The following ZRANB3 variants were observed in gnomAD, a reference collection of about 807,000 sequenced individuals.
ZRANB3 encodes zinc finger RANBP2-type containing 3, also known as DNA annealing helicase and endonuclease ZRANB3.
In ZRANB3, 125 loss-of-function variants were observed where a neutral mutation model predicts 133.8. The ratio of observed to expected loss-of-function variants is 0.93; its 90% CI spans 0.81 to 1.08. The LOEUF is 1.08. Ranked by LOEUF, ZRANB3 falls within the 50% of genes least tolerant of loss-of-function variation. ZRANB3 has a pLI of 0.00. For synonymous variants in ZRANB3, 387 were observed against 432.7 expected (o/e 0.89, Z 1.31); for missense variants, 1,229 against 1,275.5 (o/e 0.96, Z 0.56).
At chr2:135,487,888 C>A (rs777646077) in intron 2 of ZRANB3, among the ~76,000 whole-genome samples, 1 of 152,172 alleles carries the variant, frequency 6.6e-6, no homozygotes, top group Non-Finnish European at 1.5e-5. Flanking sequence ...TAATTTCCCT[C>A]AAGAACTTTT....
intron 1 of ZRANB3, among the ~76,000 whole-genome samples, chr2:135,518,764 G>C (rs540830996): frequency 1.3e-5 from 2 of 152,230 alleles, no homozygotes; most frequent in African/African-American, 2.4e-5. Context: ...CACAAACTCA[G>C]GTCATGTGGC....
chr2:135,215,283 G>C (rs1000260472), intron 17 of ZRANB3, among the ~76,000 whole-genome samples: 1 of 151,024 alleles, frequency 6.6e-6, no homozygotes, highest in African/African-American at 2.4e-5. Flanking sequence ...CTGAGACAAG[G>C]TCTCACTCTG....
chr2:135,448,622 A>G (rs1337945943), intron 2 of ZRANB3, among the ~76,000 whole-genome samples: 1 of 152,192 alleles, frequency 6.6e-6, no homozygotes, highest in South Asian at 2.1e-4. Context: ...AATGAGAAGG[A>G]ATTAATGTAT....
chr2:135,402,302 T>C (rs1019076892), intron 2 of ZRANB3, among the ~76,000 whole-genome samples: 4 of 151,082 alleles, frequency 2.6e-5, no homozygotes, highest in Admixed American at 2.0e-4. Context: ...TCTCTTTTTT[T>C]TTTTTTTTTT....
At chr2:135,370,228 A>G (rs1282049100) in intron 3 of ZRANB3, among the ~76,000 whole-genome samples, 1 of 151,540 alleles carries the variant, frequency 6.6e-6, no homozygotes, top group Admixed American at 6.6e-5. Flanking sequence ...GTGTTTGGTT[A>G]TATGAGTAAG....
chr2:135,222,370 C>G (rs1694589399), intron 15 of ZRANB3, among the ~76,000 whole-genome samples: 1 of 151,078 alleles, frequency 6.6e-6, no homozygotes, highest in Non-Finnish European at 1.5e-5. Context: ...CCACTGCACT[C>G]CAGCCTGGGT....
At position 135,518,614 on chromosome 2, in the gene ZRANB3, G is replaced by A. The variant is rs909753145; in HGVS notation, c.-8+12513C>T. ...ACTATCTAACCAGTCTCAATGAGAT[G>A]AGCCAAGTACCTCAATTGGAAATGC... On this transcript the variant is annotated intron_variant, in intron 1 of 20. Coordinates refer to ENST00000264159, the MANE Select transcript of ZRANB3 (RefSeq NM_032143.4). Among the ~76,000 whole-genome samples the A allele has an allele frequency of 2.6e-5, 4 of 152,248 alleles. No individual in the cohort carries two copies. The South Asian group carries it at 8.3e-4, about 32-fold the overall frequency.
chr2:135,285,003 G>A (rs1429910979), intron 8 of ZRANB3, among the ~76,000 whole-genome samples: 8 of 151,748 alleles, frequency 5.3e-5, no homozygotes, highest in East Asian at 3.9e-4. Flanking sequence ...GCAACACCAC[G>A]CCTGGCTAAT....
chr2:135,349,225 A>G (rs28657924), intron 5 of ZRANB3, among the ~76,000 whole-genome samples: 2,303 of 152,290 alleles, frequency 0.015, 49 homozygotes, highest in African/African-American at 0.051. Context: ...ATTGGCTACC[A>G]TATGTTGAGT....
chr2:135,378,599 A>T (rs1362331769), intron 3 of ZRANB3, among the ~76,000 whole-genome samples: 1 of 152,202 alleles, frequency 6.6e-6, no homozygotes, highest in Non-Finnish European at 1.5e-5. Context: ...AAGGGGGGGA[A>T]ATGAGTAACT....
intron 1 of ZRANB3, among the ~76,000 whole-genome samples, chr2:135,526,714 C>T (rs888071963): frequency 2.6e-5 from 4 of 152,264 alleles, no homozygotes; most frequent in African/African-American, 9.6e-5. Flanking sequence ...GAATCCCCTT[C>T]CCCCTTTGTT....
rs370381234 is a variant in ZRANB3 at position 135,353,602 on chromosome 2, T to A, written c.207A>T (p.Ala69=). The A allele has an allele frequency of 1.1e-4, 167 of 1,584,690 alleles. No homozygotes were observed. The highest frequency in any genetic ancestry group is 1.3e-4 in the Non-Finnish European group (157 of 1,165,168). ...CTTTATAGAAGTAAGTAATTCCAAT[T>A]GCCTGGATTGTCTTTCCTAGACCCA... ...DEMGLGKTIQ[A]IGITYFYKEE... Residue 69 remains alanine (A), a synonymous_variant, in exon 4 of 21, where the codon GCA becomes GCT. Coordinates refer to ENST00000264159, the MANE Select transcript of ZRANB3 (RefSeq NM_032143.4).
intron 8 of ZRANB3, among the ~76,000 whole-genome samples, chr2:135,308,651 AGAC>A: frequency 6.6e-6 from 1 of 152,244 alleles, no homozygotes; most frequent in Admixed American, 6.5e-5. Context: ...TATAGAATAG[AGAC>A]GAGGTCTTCC....
At chr2:135,248,330 G>T (rs1035444078) in intron 12 of ZRANB3, among the ~76,000 whole-genome samples, 1 of 152,136 alleles carries the variant, frequency 6.6e-6, no homozygotes, top group Non-Finnish European at 1.5e-5. Context: ...AAGTATAAAA[G>T]CCCTGGGAGA....
intron 2 of ZRANB3, among the ~76,000 whole-genome samples, chr2:135,411,825 G>A (rs1201020416): frequency 6.6e-6 from 1 of 151,996 alleles, no homozygotes; most frequent in Non-Finnish European, 1.5e-5. Flanking sequence ...TCACTATTTG[G>A]GTGATGGGTT....
rs1290284546 is a variant in ZRANB3, at chr2:135,197,935, C to G, written c.*2407G>C. On this transcript the variant is annotated 3_prime_UTR_variant, in exon 21 of 21. Coordinates refer to ENST00000264159, the MANE Select transcript of ZRANB3 (RefSeq NM_032143.4). Reference sequence around the variant, plus strand: ...TCAGCCTCCTGTGTAGCTAGGACTACAAGCAAGTGCCATCATACCTGGCCA... The same window carrying G: ...TCAGCCTCCTGTGTAGCTAGGACTAGAAGCAAGTGCCATCATACCTGGCCA... The G allele has an allele frequency of 6.6e-6, 1 of 152,574 alleles. No individual in the cohort carries two copies. Among genetic ancestry groups the G allele is most frequent in the Non-Finnish European group, 1.5e-5 (1 of 68,356 alleles). The allele number at this position is 152,574 out of a possible 1,614,324, so 9.5% of individuals were successfully genotyped here.
chr2:135,340,435 A>G (rs1053420458), intron 6 of ZRANB3, among the ~76,000 whole-genome samples: 6 of 151,822 alleles, frequency 4.0e-5, no homozygotes, highest in African/African-American at 1.5e-4. Flanking sequence ...GTTTTTCATA[A>G]CTTTCTTGGC....
chr2:135,285,184 T>C (rs1681295579), intron 8 of ZRANB3, among the ~76,000 whole-genome samples: 1 of 152,194 alleles, frequency 6.6e-6, no homozygotes. Flanking sequence ...AACTCCTCTA[T>C]TTGTGATTCC....
intron 2 of ZRANB3, among the ~76,000 whole-genome samples, chr2:135,416,894 C>T (rs900002675): frequency 6.6e-6 from 1 of 152,138 alleles, no homozygotes; most frequent in Admixed American, 6.5e-5. Flanking sequence ...GCTGGGAAAA[C>T]TGGCTAGCCA....
Sources: gnomAD v4.1 joint callset for allele counts (sites outside exome capture counted in the v4.1 genomes callset) on GRCh38, gnomAD v4.1.1 for gene constraint, MANE v1.5 for transcripts, NCBI Gene and HGNC (gene_info 2026-07-23, HGNC 2026-07-21) for gene names.